The following SH3BP4 variants were observed in gnomAD, a reference collection of about 807,000 sequenced individuals.
SH3BP4 encodes SH3 domain-binding protein 4.
Under a neutral mutation model 65.5 loss-of-function variants are expected in SH3BP4, and 33 were observed. The ratio of observed to expected loss-of-function variants is 0.50; its 90% CI spans 0.38 to 0.67. The LOEUF (loss-of-function observed/expected upper bound fraction) is 0.67, where lower values mean the gene tolerates loss of function less well. Ranked by LOEUF, SH3BP4 falls within the 30% of genes least tolerant of loss-of-function variation. SH3BP4 has a pLI of 0.00. For synonymous variants in SH3BP4, 552 were observed against 545.5 expected (o/e 1.01, Z -0.17); for missense variants, 1,134 against 1,261.4 (o/e 0.90, Z 1.53).
In SH3BP4 at chr2:234,997,331, C is replaced by T. The variant is rs1258653031; in HGVS notation, c.-133+1955C>T. 6.6e-6 allele frequency among the ~76,000 whole-genome samples: 1 copy of T among 152,212 alleles called. No individual in the cohort carries two copies. Among genetic ancestry groups the T allele is most frequent in the Non-Finnish European group, 1.5e-5 (1 of 68,032 alleles). ...GAGAGACACGGCTACCCAGGGTTTC[C>T]ATTTCCAGGCCCCGAGTTTTGTCCG... On this transcript the variant is annotated intron_variant, in intron 2 of 5. Coordinates refer to ENST00000392011, the MANE Select transcript of SH3BP4 (RefSeq NM_014521.3). The surrounding 1 kb of genome is among the most constrained non-coding windows in gnomAD (Gnocchi z 4.2).
At chr2:235,021,211 A>G (rs973013541) in intron 2 of SH3BP4, among the ~76,000 whole-genome samples, 3 of 152,222 alleles carry the variant, frequency 2.0e-5, no homozygotes, top group African/African-American at 7.2e-5. Context: ...AAGATGGAAT[A>G]GTATAAAGAT....
intron 3 of SH3BP4, among the ~76,000 whole-genome samples, chr2:235,039,118 T>C (rs1311816664): frequency 6.6e-6 from 1 of 152,126 alleles, no homozygotes; most frequent in Non-Finnish European, 1.5e-5. Flanking sequence ...AGGGCTCCAC[T>C]CGAGTCTGGG....
chr2:234,979,188 A>G lies in SH3BP4; in HGVS notation c.-206-16115A>G, dbSNP rs3795964. On this transcript the variant is annotated intron_variant, in intron 1 of 5. Transcript: ENST00000392011. ...GAATGTTTACACAATCACAAAAACA[A>G]TGAACACTTGTGTAGCCACTACTCA... Among the ~76,000 whole-genome samples, 1,121 of 152,272 alleles carry G rather than the reference A, an allele frequency of 7.4e-3. 27 individuals are homozygous for G. Among genetic ancestry groups the G allele is most frequent in the Admixed American group, 0.051 (776 of 15,298 alleles).
At chr2:235,014,385 G>T (rs555687004) in intron 2 of SH3BP4, among the ~76,000 whole-genome samples, 47 of 152,290 alleles carry the variant, frequency 3.1e-4, no homozygotes, top group Middle Eastern at 3.4e-3. Flanking sequence ...TGTTGGAGGC[G>T]CTGGGGAAGA....
intron 1 of SH3BP4, among the ~76,000 whole-genome samples, chr2:234,961,040 G>C (rs1415812414): frequency 6.6e-6 from 1 of 152,178 alleles, no homozygotes; most frequent in Non-Finnish European, 1.5e-5. Flanking sequence ...GTGGGAAAGA[G>C]CAGGGGGTGT....
At chr2:235,038,805 G>A (rs575253142) in intron 3 of SH3BP4, among the ~76,000 whole-genome samples, 151 of 152,100 alleles carry the variant, frequency 9.9e-4, no homozygotes, top group African/African-American at 3.3e-3. Flanking sequence ...CTGCACCTGC[G>A]GTTTCTCAAA....
At chr2:234,963,479 G>A (rs182651915) in intron 1 of SH3BP4, among the ~76,000 whole-genome samples, 191 of 152,284 alleles carry the variant, frequency 1.3e-3, no homozygotes, top group African/African-American at 4.4e-3. Flanking sequence ...ATCCTTTTTG[G>A]GGGAATGCTT....
At chr2:235,044,956 A>G (rs1695797962) in intron 4 of SH3BP4, among the ~76,000 whole-genome samples, 1 of 152,178 alleles carries the variant, frequency 6.6e-6, no homozygotes, top group Admixed American at 6.5e-5. Flanking sequence ...AAATCACTGC[A>G]CTTGGGTGGG....
In SH3BP4 at chr2:235,038,390, T is replaced by C. The variant is rs1449754440; in HGVS notation, c.119-2498T>C. Among the ~76,000 whole-genome samples, 19 of 16,258 alleles carry C rather than the reference T, an allele frequency of 1.2e-3. 1 individual carries two copies. The highest frequency in any genetic ancestry group is 6.4e-3 in the African/African-American group (14 of 2,190). The allele number at this position is 16,258 out of a possible 152,430, so 10.7% of individuals were successfully genotyped here. A position where few individuals can be genotyped will look rare whatever the true frequency, so the allele number is the denominator to read the frequency against. The stretch of plus-strand genomic sequence containing the variant: ...TAATATATATACATATATATATATA[T>C]ATATATATATATATATATATATATA... On this transcript the variant is annotated intron_variant, in intron 3 of 5. Transcript: ENST00000392011.
intron 1 of SH3BP4, among the ~76,000 whole-genome samples, chr2:234,956,924 C>G (rs1476625082): frequency 6.6e-6 from 1 of 152,170 alleles, no homozygotes; most frequent in Admixed American, 6.5e-5. Flanking sequence ...GGTCCCTGAG[C>G]TCATAGTGTG....
intron 1 of SH3BP4, among the ~76,000 whole-genome samples, chr2:234,988,226 AT>A (rs996981699): frequency 6.6e-6 from 1 of 151,860 alleles, no homozygotes; most frequent in African/African-American, 2.4e-5. Flanking sequence ...CGCCTGGCTA[AT>A]TTTTTGTATT....
chr2:235,014,101 AAAG>A (rs1694610107), intron 2 of SH3BP4, among the ~76,000 whole-genome samples: 2 of 152,198 alleles, frequency 1.3e-5, no homozygotes, highest in Non-Finnish European at 2.9e-5. Flanking sequence ...CTTAAAAAAA[AAAG>A]AAATGCCTTT....
chr2:235,042,371 C>T lies in SH3BP4; in HGVS notation c.1602C>T (p.Pro534=). ...AGCACCAGTTCGTTTTGTCCAGGCC[C>T]CAGGATCTCAAGGTCTGTATGTTTT... ...WGKHQFVLSR[P]QDLKVCMFSN... is the part of the protein sequence containing the mutation. Residue 534 remains proline (P), a synonymous_variant, in exon 4 of 6, where the codon CCC becomes CCT. Coordinates refer to ENST00000392011, the MANE Select transcript of SH3BP4 (RefSeq NM_014521.3). This position sits in a 1 kb window ranked among gnomAD's most constrained non-coding sequence, Gnocchi z 7.3. The T allele has an allele frequency of 6.2e-7, 1 of 1,614,166 alleles. No individual in the cohort carries two copies.
rs1394551369 is a variant in SH3BP4, at chr2:234,977,804, GGCACACACACACATGCGT to G, written c.-206-17488_-206-17471del. 3.9e-5 allele frequency among the ~76,000 whole-genome samples: 6 copies of G among 151,980 alleles called. No homozygotes were observed. Among genetic ancestry groups the G allele is most frequent in the Non-Finnish European group, 7.4e-5 (5 of 68,008 alleles). On this transcript the variant is annotated intron_variant, in intron 1 of 5. Coordinates refer to ENST00000392011, the MANE Select transcript of SH3BP4 (RefSeq NM_014521.3). The surrounding 1 kb of genome is among the most constrained non-coding windows in gnomAD (Gnocchi z 5.1). ...ACGCACACGCATATGCACACACATGGGCACACACACACATGCGTGCACACACACGCAGACCCTGAGACC... is the reference window on the plus strand; with the variant it reads ...ACGCACACGCATATGCACACACATGGGCACACACACGCAGACCCTGAGACC...
chr2:235,029,051 C>G (rs572923836), intron 2 of SH3BP4, among the ~76,000 whole-genome samples: 1 of 152,300 alleles, frequency 6.6e-6, no homozygotes, highest in African/African-American at 2.4e-5. Context: ...TCAAAATGTT[C>G]CGGCTGCTAA....
intron 1 of SH3BP4, among the ~76,000 whole-genome samples, chr2:234,959,596 G>A (rs1402492876): frequency 6.6e-6 from 1 of 151,218 alleles, no homozygotes; most frequent in Non-Finnish European, 1.5e-5. Flanking sequence ...ATTCAGGTAG[G>A]TTTACCTTGC....
intron 3 of SH3BP4, among the ~76,000 whole-genome samples, chr2:235,036,740 A>AAATAATAATAATAATAATAATAAT (rs1553567054): frequency 0.031 from 4,334 of 141,730 alleles, 223 homozygotes; most frequent in African/African-American, 0.1. Context: ...TCTATATAAA[A>AAATAATAATAATAATAATAATAAT]AATAATAATA....
At chr2:235,018,668 G>A (rs995114122) in intron 2 of SH3BP4, among the ~76,000 whole-genome samples, 1 of 152,210 alleles carries the variant, frequency 6.6e-6, no homozygotes, top group African/African-American at 2.4e-5. Flanking sequence ...GGACTGGGGT[G>A]CTCTGGGGGT....
In SH3BP4 at chr2:234,974,370, A is replaced by T. The variant is rs1030135575; in HGVS notation, c.-206-20933A>T. On this transcript the variant is annotated intron_variant, in intron 1 of 5. Coordinates refer to ENST00000392011, the MANE Select transcript of SH3BP4 (RefSeq NM_014521.3). The surrounding 1 kb of genome is among the most constrained non-coding windows in gnomAD (Gnocchi z 4.6). ...AAGAGCGAAACTCTGTCTAAAAAAA[A>T]ATAAATAAATAAAAGAGAAAGAGAG... Among the ~76,000 whole-genome samples, 3 of 135,194 alleles carry T rather than the reference A, an allele frequency of 2.2e-5. No individual in the cohort carries two copies. Among genetic ancestry groups the T allele is most frequent in the Non-Finnish European group, 4.9e-5 (3 of 61,304 alleles). 88.7% of individuals were successfully genotyped at this position (135,194 alleles called of 152,430 possible).
Sources: allele counts gnomAD v4.1 joint callset (sites outside exome capture counted in the v4.1 genomes callset), GRCh38; gene constraint gnomAD v4.1.1; non-coding constraint Gnocchi (gnomAD v3.1); transcripts MANE v1.5; gene names NCBI Gene and HGNC (gene_info 2026-07-23, HGNC 2026-07-21).